DGAT2L6: variants seen among roughly 807,000 people sequenced by gnomAD.
DGAT2L6 encodes the protein diacylglycerol O-acyltransferase 2 like 6.
In DGAT2L6, 22 loss-of-function variants were observed where a neutral mutation model predicts 25.5. That is an observed-to-expected ratio of 0.86 (90% CI 0.62 to 1.23). The LOEUF (loss-of-function observed/expected upper bound fraction) is 1.23. Among genes scored for constraint, DGAT2L6 ranks in the 50% most tolerant of loss-of-function variants. DGAT2L6 has a pLI of 0.00. For synonymous variants in DGAT2L6, 100 were observed against 94.7 expected, an observed-to-expected ratio of 1.06 and a Z score of -0.32; for missense variants, 287 against 253.2, an observed-to-expected ratio of 1.13 and a Z score of -0.91.
chrX:70,189,668 A>AG (rs2085369927), intron 1 of DGAT2L6, among the ~76,000 whole-genome samples: 1 of 112,059 alleles, frequency 8.9e-6, no homozygotes, highest in African/African-American at 3.2e-5. Flanking sequence ...GGGTGCTATA[A>AG]GGGAAGAGAA....
At chrX:70,203,109 T>C (rs1377686568) in intron 5 of DGAT2L6, among the ~76,000 whole-genome samples, 2 of 112,345 alleles carry the variant, frequency 1.8e-5, no homozygotes, top group South Asian at 3.6e-4. Flanking sequence ...CTCAAATGTC[T>C]CTTCTCAATA....
intron 1 of DGAT2L6, among the ~76,000 whole-genome samples, chrX:70,191,779 A>G (rs751320621): frequency 4.5e-5 from 5 of 112,207 alleles, no homozygotes; most frequent in Non-Finnish European, 7.5e-5. Flanking sequence ...GAAAGCATTA[A>G]GAGAAAAGAG....
At chrX:70,179,075 C>T (rs1175609292) in intron 1 of DGAT2L6, among the ~76,000 whole-genome samples, 2 of 111,744 alleles carry the variant, frequency 1.8e-5, no homozygotes, top group African/African-American at 3.3e-5. Context: ...TGTAAATCTG[C>T]GTATTTTATT....
intron 4 of DGAT2L6, among the ~76,000 whole-genome samples, chrX:70,201,542 C>T (rs1223629406): frequency 9.0e-6 from 1 of 110,781 alleles, no homozygotes; most frequent in African/African-American, 3.3e-5. Flanking sequence ...CCAGTGTTGT[C>T]AGGCTGGGCA....
chrX:70,204,424 T>C lies in DGAT2L6; in HGVS notation c.767T>C (p.Ile256Thr). ...QKTFQDTFKK[I>T]LGLNFCTFHG... ...ACCTTCCAGGACACATTCAAAAAAA[T>C]CCTGGGACTAAATTTCTGTACCTTC... Residue 256 changes from isoleucine (I) to threonine (T), a missense_variant, in exon 6 of 7, where the codon ATC becomes ACC. Transcript: ENST00000333026. The C allele has an allele frequency of 8.3e-7, 1 of 1,211,647 alleles. No individual in the cohort carries two copies. Among genetic ancestry groups the C allele is most frequent in the Non-Finnish European group, 1.1e-6 (1 of 895,518 alleles).
chrX:70,199,206 G>A (rs999979672), intron 1 of DGAT2L6, 65 bp from the exon 2 acceptor site: 11 of 728,937 alleles, frequency 1.5e-5, no homozygotes, highest in Middle Eastern at 3.2e-4. Flanking sequence ...CAGAGGCCGG[G>A]GTTATGAGAA....
Position 70,205,568 on chromosome X carries a change from A to G in DGAT2L6, c.*462A>G, listed in dbSNP as rs190429799. 325 of 114,110 alleles carry G rather than the reference A, an allele frequency of 2.8e-3. 6 individuals are homozygous for G. The highest frequency in any genetic ancestry group is 0.01 in the African/African-American group (311 of 30,953). 9.4% of individuals were successfully genotyped at this position (114,110 alleles called of 1,213,427 possible). On this transcript the variant is annotated 3_prime_UTR_variant, in exon 7 of 7. Transcript: ENST00000333026. ...TCCTTACAACTTGGGAACTGCCACA[A>G]GGTAAACCAGGGACCTGAACTGTAG...
intron 1 of DGAT2L6, among the ~76,000 whole-genome samples, chrX:70,189,618 G>T (rs968271587): frequency 9.0e-6 from 1 of 111,550 alleles, no homozygotes; most frequent in East Asian, 2.8e-4. Context: ...TAATAGTTTC[G>T]CATAAATATT....
rs141227517 is a variant in DGAT2L6 at position 70,199,341 on chromosome X, C to T, written c.156C>T (p.Ser52=). Residue 52 remains serine, a synonymous_variant, in exon 2 of 7, where the codon TCC becomes TCT. Coordinates refer to ENST00000333026, the MANE Select transcript of DGAT2L6 (RefSeq NM_198512.3). ...AGTTCTGGCCCTTGGCTGTGCTCTC[C>T]TTAGCCTGGCTCACCTATGATTGGA... ...FSKFWPLAVL[S]LAWLTYDWNT... The T allele has an allele frequency of 1.7e-4, 200 of 1,191,931 alleles. No individual in the cohort carries two copies. The highest frequency in any genetic ancestry group is 4.8e-4 in the Admixed American group (21 of 43,305).
intron 1 of DGAT2L6, among the ~76,000 whole-genome samples, chrX:70,191,642 C>T (rs150912090): frequency 0.032 from 3,597 of 111,308 alleles, 79 homozygotes; most frequent in Middle Eastern, 0.092. Flanking sequence ...CTTCACAAAT[C>T]CTAGGAAAGA....
chrX:70,178,349 T>C, intron 1 of DGAT2L6, among the ~76,000 whole-genome samples: 1 of 110,608 alleles, frequency 9.0e-6, no homozygotes, highest in Non-Finnish European at 1.9e-5. Context: ...TCAGACAGAA[T>C]TTTGAGAAAG....
At chrX:70,199,023 T>C in intron 1 of DGAT2L6, among the ~76,000 whole-genome samples, 1 of 112,034 alleles carries the variant, frequency 8.9e-6, no homozygotes, top group Middle Eastern at 4.6e-3. Flanking sequence ...CTCAACTTCA[T>C]GGTTCTGCTC....
At chrX:70,195,344 A>G (rs1169650730) in intron 1 of DGAT2L6, among the ~76,000 whole-genome samples, 2 of 111,511 alleles carry the variant, frequency 1.8e-5, no homozygotes, top group African/African-American at 6.5e-5. Flanking sequence ...TCCAACAGTA[A>G]TGAAATTAGT....
At chrX:70,204,810 G>A in intron 6 of DGAT2L6, 142 bp from the exon 7 acceptor site, 1 of 741,348 alleles carries the variant, frequency 1.3e-6, no homozygotes, top group Middle Eastern at 4.7e-4. Context: ...ACAGGGGCCA[G>A]GATGAGACTG....
At chrX:70,198,549 T>C (rs1249679316) in intron 1 of DGAT2L6, among the ~76,000 whole-genome samples, 1 of 110,821 alleles carries the variant, frequency 9.0e-6, no homozygotes, top group Non-Finnish European at 1.9e-5. Context: ...TTTTGTTTTG[T>C]TTTGTTTTTT....
intron 1 of DGAT2L6, among the ~76,000 whole-genome samples, chrX:70,184,589 C>T (rs918542832): frequency 9.1e-6 from 1 of 109,812 alleles, no homozygotes; most frequent in African/African-American, 3.3e-5. Flanking sequence ...CTCAGCTTCC[C>T]GAGTATCTGG....
intron 1 of DGAT2L6, among the ~76,000 whole-genome samples, chrX:70,190,537 T>C (rs1863499388): frequency 9.0e-6 from 1 of 111,717 alleles, no homozygotes; most frequent in Non-Finnish European, 1.9e-5. Context: ...TCAGCTACAA[T>C]GCCATTTGGT....
intron 6 of DGAT2L6, 73 bp from the exon 7 acceptor site, chrX:70,204,878 TG>T: frequency 1.9e-6 from 2 of 1,071,431 alleles, no homozygotes; most frequent in South Asian, 5.1e-5. Flanking sequence ...TTTCAGTACA[TG>T]GCTCCCAGTG....
Position 70,201,880 on chromosome X carries a change from G to C in DGAT2L6, c.473-10G>C. On this transcript the variant is annotated splice_polypyrimidine_tract_variant and intron_variant, in intron 4 of 6. Transcript: ENST00000333026. ...AAGTTTTTCTACCACTTGACTCTTT[G>C]GTTTCACAGGTGTGTGCCCTGTGAG... 2.6e-6 allele frequency: 3 copies of C among 1,154,664 alleles called. No individual in the cohort carries two copies. The highest frequency in any genetic ancestry group is 2.3e-6 in the Non-Finnish European group (2 of 869,549).
Sources: allele counts gnomAD v4.1 joint callset (sites outside exome capture counted in the v4.1 genomes callset), GRCh38; gene constraint gnomAD v4.1.1; transcripts MANE v1.5; gene names NCBI Gene and HGNC (gene_info 2026-07-23, HGNC 2026-07-21).